The following HOXA3 variants were observed in gnomAD, a reference collection of about 807,000 sequenced individuals.
HOXA3 encodes the protein homeobox protein Hox-A3.
In HOXA3, 8 loss-of-function variants were observed where a neutral mutation model predicts 30.3. That is an observed-to-expected ratio of 0.26 (90% confidence interval 0.15 to 0.48). The LOEUF is 0.48. Among genes scored for constraint, HOXA3 ranks in the 20% least tolerant of loss-of-function variants. HOXA3 has a pLI of 0.99. For missense variants in HOXA3, 653 were observed against 614.4 expected (o/e 1.06, Z -0.66); for synonymous variants, 323 against 273.1 (o/e 1.18, Z -1.80).
chr7:27,118,215 A>G (rs1330045328), intron 4 of HOXA3, among the ~76,000 whole-genome samples: 2 of 152,180 alleles, frequency 1.3e-5, no homozygotes, highest in Non-Finnish European at 2.9e-5. Context: ...GAACCGCTCC[A>G]TGAGTGCTGA....
chr7:27,141,867 T>A (rs765458656), intron 1 of HOXA3: 1 of 1,614,246 alleles, frequency 6.2e-7, no homozygotes. Flanking sequence ...GCCGCGGCCA[T>A]GCTCATGCTT....
chr7:27,131,438 G>A (rs1483969811), intron 2 of HOXA3, among the ~76,000 whole-genome samples: 2 of 152,226 alleles, frequency 1.3e-5, no homozygotes, highest in Non-Finnish European at 2.9e-5. Flanking sequence ...TGGGCGGGCA[G>A]CTAAGAGAAA....
At chr7:27,142,718 T>C in intron 1 of HOXA3, 1 of 339,188 alleles carries the variant, frequency 2.9e-6, no homozygotes, top group Non-Finnish European at 5.3e-6. Flanking sequence ...GCTACAGCCA[T>C]CCTCTACCTC....
chr7:27,138,574 G>A (rs1236984012), intron 2 of HOXA3, among the ~76,000 whole-genome samples: 1 of 152,124 alleles, frequency 6.6e-6, no homozygotes, highest in African/African-American at 2.4e-5. Context: ...AAATCTACTG[G>A]GTCCCTTGTG....
rs1045251003 is a variant in HOXA3, at chr7:27,107,657, T to C, written c.*258A>G. 1.0e-5 allele frequency: 4 copies of C among 392,084 alleles called. 1 individual carries two copies. In the South Asian group the frequency reaches 4.2e-4, roughly 41 times the overall value. 24.3% of individuals were successfully genotyped at this position (392,084 alleles called of 1,614,324 possible). On this transcript the variant is annotated 3_prime_UTR_variant, in exon 6 of 6. Coordinates refer to ENST00000612286, the MANE Select transcript of HOXA3 (RefSeq NM_153631.3). ...GAGAAGGTAAAGGGTGCAGGGCCAG[T>C]GGCCTATCGAGGAGCAGGAAGAGAT...
At chr7:27,130,776 G>A (rs1380596330) in intron 2 of HOXA3, 2 of 1,567,010 alleles carry the variant, frequency 1.3e-6, no homozygotes, top group Non-Finnish European at 8.7e-7. Context: ...TCGCGTTGTC[G>A]TTTTTTCTGG....
At position 27,110,253 on chromosome 7, in the gene HOXA3, T is replaced by C. The variant is rs374001484; in HGVS notation, c.388A>G (p.Asn130Asp). 6.2e-7 allele frequency: 1 copy of C among 1,612,744 alleles called. No homozygotes were observed. The highest frequency in any genetic ancestry group is 1.3e-5 in the African/African-American group (1 of 74,682). Residue 130 changes from asparagine to aspartate, a missense_variant, in exon 5 of 6, where the codon AAT (asparagine) becomes GAT (aspartate). Around this residue, in one of 3 missense-constraint regions of HOXA3, gnomAD observed 320 missense variants for 321.9 expected, o/e 0.99. Coordinates refer to ENST00000612286, the MANE Select transcript of HOXA3 (RefSeq NM_153631.3). ...GCAGGGGTAGGGTTGTTGCTGGCAT[T>C]CTGAGGAGGGGAGGCAGAAGAGGGA... The part of the protein sequence containing the change: ...PPPSSASPPQ[N>D]ASNNPTPANA...
At chr7:27,124,944 C>T (rs6962892) in intron 3 of HOXA3, among the ~76,000 whole-genome samples, 7,455 of 152,250 alleles carry the variant, frequency 0.049, 269 homozygotes, top group African/African-American at 0.097. Flanking sequence ...GATGCCCTGA[C>T]ATCTGTCCCC....
chr7:27,136,127 T>G (rs1326629143), intron 2 of HOXA3, among the ~76,000 whole-genome samples: 1 of 152,204 alleles, frequency 6.6e-6, no homozygotes, highest in Non-Finnish European at 1.5e-5. Flanking sequence ...CACTGCACAA[T>G]GTAAACTTTT....
chr7:27,114,853 T>TA (rs1491447872), intron 4 of HOXA3, among the ~76,000 whole-genome samples: 1 of 104,378 alleles, frequency 9.6e-6, no homozygotes, highest in Non-Finnish European at 2.0e-5. Context: ...ATAATATATA[T>TA]TATATATATA....
chr7:27,137,340 G>A (rs1459896519), intron 2 of HOXA3, among the ~76,000 whole-genome samples: 2 of 152,186 alleles, frequency 1.3e-5, no homozygotes, highest in Non-Finnish European at 2.9e-5. Context: ...GTGACCAGAA[G>A]CTTCCTGTTG....
rs1292670635 is a variant in HOXA3, at chr7:27,147,615, C to T, written c.-494+4673G>A. On this transcript the variant is annotated intron_variant, in intron 1 of 5. Coordinates refer to ENST00000612286, the MANE Select transcript of HOXA3 (RefSeq NM_153631.3). The stretch of plus-strand genomic sequence containing the variant: ...AGGTGTACGTCTTGTCCGGGAGACT[C>T]GACGCCCCGTACGAGGCCGGGAAGG... The T allele has an allele frequency of 5.0e-6, 8 of 1,614,072 alleles. No individual in the cohort carries two copies. The Admixed American group carries it at 1.0e-4, about 20-fold the overall frequency.
At chr7:27,143,290 C>T (rs1782639971) in intron 1 of HOXA3, 1 of 1,603,016 alleles carries the variant, frequency 6.2e-7, no homozygotes, top group Non-Finnish European at 8.5e-7. Flanking sequence ...GCGAGGGGGC[C>T]ACGGCGGAGC....
At chr7:27,120,206 C>A (rs144635617) in intron 4 of HOXA3, among the ~76,000 whole-genome samples, 1 of 152,132 alleles carries the variant, frequency 6.6e-6, no homozygotes, top group Non-Finnish European at 1.5e-5. Flanking sequence ...AGAAGGGGCC[C>A]CCTTCAAAGC....
chr7:27,110,378 G>A lies in HOXA3; in HGVS notation c.263C>T (p.Pro88Leu). Residue 88 changes from proline (P) to leucine (L), a missense_variant, in exon 5 of 6, where the codon CCG becomes CTG. Coordinates refer to ENST00000612286, the MANE Select transcript of HOXA3 (RefSeq NM_153631.3). The stretch of plus-strand genomic sequence containing the variant: ...CTGGGGCGGCGGCGGGTGCAGGGGC[G>A]GCTCTCCCAGGCTTGGAGGCTGGCT... Reference protein sequence around the residue: ...PPSQPPSLGEPPLHPPPPQAA... With the variant: ...PPSQPPSLGELPLHPPPPQAA... 2.0e-6 allele frequency: 3 copies of A among 1,517,102 alleles called. No individual in the cohort carries two copies. The highest frequency in any genetic ancestry group is 2.4e-5 in the East Asian group (1 of 41,486). The allele number at this position is 1,517,102 out of a possible 1,614,324, so 94.0% of individuals were successfully genotyped here. A position where few individuals can be genotyped will look rare whatever the true frequency, so the allele number is the denominator to read the frequency against.
chr7:27,129,993 C>A, intron 2 of HOXA3: 1 of 1,152,450 alleles, frequency 8.7e-7, no homozygotes, highest in Non-Finnish European at 1.2e-6. Context: ...TCACCGCAGC[C>A]CGGGTCAGAT....
chr7:27,144,327 C>T (rs1782680242), intron 1 of HOXA3, among the ~76,000 whole-genome samples: 2 of 152,144 alleles, frequency 1.3e-5, no homozygotes, highest in African/African-American at 2.4e-5. Flanking sequence ...TCTGTTTTTG[C>T]GAGCGCATGA....
intron 4 of HOXA3, chr7:27,121,213 C>CTGTGTGTGTGTGTGTGTGTGTGTG: frequency 8.4e-6 from 1 of 119,482 alleles, no homozygotes; most frequent in African/African-American, 2.8e-5. Context: ...TCTTAGCCCA[C>CTGTGTGTGTGTGTGTGTGTGTGTG]TGTGTGCGTG....
chr7:27,145,091 C>T (rs1441058032), intron 1 of HOXA3, among the ~76,000 whole-genome samples: 1 of 152,224 alleles, frequency 6.6e-6, no homozygotes, highest in Non-Finnish European at 1.5e-5. Flanking sequence ...CCCTTTGTTC[C>T]TCGAGCTTCC....
Sources: gnomAD v4.1 joint callset for allele counts (sites outside exome capture counted in the v4.1 genomes callset) on GRCh38, gnomAD v4.1.1 for gene constraint, gnomAD v4.1.1 regional missense constraint, MANE v1.5 for transcripts, NCBI Gene and HGNC (gene_info 2026-07-23, HGNC 2026-07-21) for gene names.